Variants in ZNF565 observed in about 807,000 individuals in gnomAD.
ZNF565 encodes the protein zinc finger protein 565.
A neutral mutation model predicts 39.4 loss-of-function variants in ZNF565; 27 were observed. The ratio of observed to expected loss-of-function variants is 0.69; its 90% CI spans 0.51 to 0.95. ZNF565 has a LOEUF of 0.95. Ranked by LOEUF, ZNF565 falls within the 40% of genes least tolerant of loss-of-function variation. ZNF565 has a pLI of 0.00. For missense variants in ZNF565, 524 were observed against 621.1 expected (o/e 0.84, Z 1.66); for synonymous variants, 185 against 216.6 (o/e 0.85, Z 1.28).
intron 2 of ZNF565, among the ~76,000 whole-genome samples, chr19:36,196,618 C>G (rs929951598): frequency 3.3e-5 from 5 of 152,120 alleles, no homozygotes; most frequent in African/African-American, 1.2e-4. Context: ...CATAAATAAG[C>G]GAAATAGTGA....
upstream of ZNF565, among the ~76,000 whole-genome samples, chr19:36,219,375 G>A (rs1976745229): frequency 6.6e-6 from 1 of 152,060 alleles, no homozygotes; most frequent in Admixed American, 6.5e-5. Context: ...ATGTTGCCCA[G>A]GCTGGAAGTT....
chr19:36,199,823 T>A (rs1236536705), intron 2 of ZNF565, among the ~76,000 whole-genome samples: 1 of 152,024 alleles, frequency 6.6e-6, no homozygotes, highest in Non-Finnish European at 1.5e-5. Context: ...ACTTTGTGTT[T>A]TAAAATTTAA....
In ZNF565 at chr19:36,182,464, T is replaced by C; in HGVS notation, c.*2A>G. The C allele has an allele frequency of 6.4e-7, 1 of 1,554,260 alleles. No individual in the cohort carries two copies. The highest frequency in any genetic ancestry group is 8.7e-7 in the Non-Finnish European group (1 of 1,151,516). On this transcript the variant is annotated 3_prime_UTR_variant, in exon 5 of 5. Coordinates refer to ENST00000304116, the MANE Select transcript of ZNF565 (RefSeq NM_152477.5). ...ATCTTTATCCCTTACACTCAAGGCT[T>C]TCTAACCAGTATGAATTCTGTAGTG...
At chr19:36,232,038 A>G (rs77687752) in intron 1 of ZNF565, among the ~76,000 whole-genome samples, 3,597 of 152,154 alleles carry the variant, frequency 0.024, 167 homozygotes, top group African/African-American at 0.083. Context: ...CCCCGTTTCT[A>G]TTAAAAATAC....
intron 2 of ZNF565, among the ~76,000 whole-genome samples, chr19:36,196,979 C>T (rs1975782820): frequency 6.6e-6 from 1 of 151,278 alleles, no homozygotes; most frequent in South Asian, 2.1e-4. Context: ...TTGCTTGAAC[C>T]TGGGAGGCAG....
At chr19:36,200,180 C>G (rs960473811) in intron 2 of ZNF565, among the ~76,000 whole-genome samples, 1 of 151,544 alleles carries the variant, frequency 6.6e-6, no homozygotes, top group Non-Finnish European at 1.5e-5. Context: ...CATGCGCCAT[C>G]ATGCCCGGCT....
intron 1 of ZNF565, among the ~76,000 whole-genome samples, chr19:36,207,814 C>T (rs903898378): frequency 1.3e-5 from 2 of 152,186 alleles, no homozygotes; most frequent in Non-Finnish European, 1.5e-5. Flanking sequence ...TCCAATTTTT[C>T]TCTTCATGCA....
intron 1 of ZNF565, among the ~76,000 whole-genome samples, chr19:36,211,917 A>G (rs1599946706): frequency 6.6e-6 from 1 of 152,260 alleles, no homozygotes; most frequent in African/African-American, 2.4e-5. Context: ...ATCAACGGAT[A>G]AGACTAATAG....
chr19:36,230,812 C>T (rs117194308), intron 1 of ZNF565, among the ~76,000 whole-genome samples: 2,496 of 152,054 alleles, frequency 0.016, 63 homozygotes, highest in East Asian at 0.087. Flanking sequence ...TTTCCTTTTC[C>T]TTTTTTTGAG....
At chr19:36,217,330 T>C (rs1222009889), upstream of ZNF565, among the ~76,000 whole-genome samples, 1 of 151,638 alleles carries the variant, frequency 6.6e-6, no homozygotes, top group African/African-American at 2.4e-5. Context: ...CCCAAAGTGC[T>C]AGGATTACAG....
At position 36,222,194 on chromosome 19, in the gene ZNF565, G is replaced by T. The variant is rs117997528; in HGVS notation, c.56-20144C>A. ...CTCTCTTGGCTTCCCAAAGTGTTGG[G>T]ATTACAAGTGTGAGCCACTGCACCC... On this transcript the variant is annotated intron_variant, in intron 1 of 4. Transcript: ENST00000355114. 2.5e-3 allele frequency among the ~76,000 whole-genome samples: 387 copies of T among 152,150 alleles called. 10 individuals are homozygous for T. The East Asian group carries it at 0.066, about 26-fold the overall frequency.
intron 1 of ZNF565, among the ~76,000 whole-genome samples, chr19:36,230,790 GCCTT>G (rs759742119): frequency 1.3e-5 from 2 of 152,184 alleles, no homozygotes; most frequent in South Asian, 2.1e-4. Context: ...CAGAGGGCCA[GCCTT>G]CCTTCCTTTT....
At chr19:36,214,778 G>GA, upstream of ZNF565, 1 of 152,778 alleles carries the variant, frequency 6.5e-6, no homozygotes, top group South Asian at 2.1e-4. Context: ...TCTCTGAGTC[G>GA]GGGCCTGGCT....
chr19:36,205,240 G>C (rs1233761748), intron 1 of ZNF565, among the ~76,000 whole-genome samples: 2 of 151,742 alleles, frequency 1.3e-5, no homozygotes, highest in Non-Finnish European at 2.9e-5. Context: ...AAAAAAGGTA[G>C]GTTTTCAGCC....
intron 1 of ZNF565, among the ~76,000 whole-genome samples, chr19:36,233,153 C>T (rs771221052): frequency 6.6e-6 from 1 of 152,164 alleles, no homozygotes; most frequent in African/African-American, 2.4e-5. Context: ...GAGGCAGATA[C>T]GGGCAGATCA....
intron 1 of ZNF565, among the ~76,000 whole-genome samples, chr19:36,224,079 A>G (rs190116470): frequency 3.9e-4 from 60 of 152,232 alleles, no homozygotes; most frequent in Non-Finnish European, 7.2e-4. Context: ...CTTTGACATC[A>G]TTTATTAAAA....
intron 1 of ZNF565, chr19:36,238,425 T>A (rs994239263): frequency 1.8e-5 from 3 of 167,082 alleles, no homozygotes; most frequent in Non-Finnish European, 2.9e-5. Context: ...GGATGGGTAT[T>A]GGTTAAAGGG....
chr19:36,183,406 T>G lies in ZNF565; in HGVS notation c.560A>C (p.Lys187Thr), dbSNP rs1975160111. 1.9e-6 allele frequency: 3 copies of G among 1,608,354 alleles called. No individual in the cohort carries two copies. The highest frequency in any genetic ancestry group is 2.6e-6 in the Non-Finnish European group (3 of 1,174,884). ...SRGSHLIQHQ[K>T]IHTGEKPFGC... ...AAAGGGTTTTTCACCAGTGTGAATTTTCTGATGTTGAATAAGGTGTGAGCC... is the reference window on the plus strand; with the variant it reads ...AAAGGGTTTTTCACCAGTGTGAATTGTCTGATGTTGAATAAGGTGTGAGCC... The change falls in exon 5 of 5, where the codon AAA (lysine) becomes ACA (threonine). Residue 187 changes from lysine (K) to threonine (T), a missense_variant. Lys to Thr is a moderately conservative substitution (Grantham distance 78, BLOSUM62 -1). Transcript: ENST00000304116.
intron 1 of ZNF565, among the ~76,000 whole-genome samples, chr19:36,239,717 G>A (rs1039391809): frequency 7.2e-5 from 11 of 152,128 alleles, no homozygotes; most frequent in Non-Finnish European, 1.2e-4. Context: ...CTTAACCTGC[G>A]AGCTCTGTCA....
Sources: allele counts gnomAD v4.1 joint callset (sites outside exome capture counted in the v4.1 genomes callset), GRCh38; gene constraint gnomAD v4.1.1; transcripts MANE v1.5; gene names NCBI Gene and HGNC (gene_info 2026-07-23, HGNC 2026-07-21).